BBX: variants seen among roughly 807,000 people sequenced by gnomAD.
BBX encodes the protein HMG box transcription factor BBX.
A neutral mutation model predicts 100.2 loss-of-function variants in BBX; 30 were observed. That is an observed-to-expected ratio of 0.30 (90% confidence interval 0.22 to 0.41). The LOEUF (loss-of-function observed/expected upper bound fraction) is 0.41, where lower values mean the gene tolerates loss of function less well. Ranked by LOEUF, BBX falls within the 10% of genes least tolerant of loss-of-function variation. BBX has a pLI of 1.00. For synonymous variants in BBX, 376 were observed against 388.1 expected (o/e 0.97, Z 0.37); for missense variants, 1,023 against 1,129.8 (o/e 0.91, Z 1.35).
intron 13 of BBX, among the ~76,000 whole-genome samples, chr3:107,783,053 A>T (rs1240320761): frequency 6.6e-6 from 1 of 152,126 alleles, no homozygotes; most frequent in Non-Finnish European, 1.5e-5. Flanking sequence ...TGACTAAGGA[A>T]AAGATGTAAT....
chr3:107,773,363 A>C lies in BBX; in HGVS notation c.1642A>C (p.Lys548Gln), dbSNP rs768873581. 4 of 1,614,004 alleles carry C rather than the reference A, an allele frequency of 2.5e-6. No individual in the cohort carries two copies. The highest frequency in any genetic ancestry group is 1.6e-4 in the Middle Eastern group (1 of 6,084). ...MSKEKSSDTT[K>Q]ESRPPDFISI... The stretch of plus-strand genomic sequence containing the variant: ...AAAGGAGAAATCCTCAGACACCACC[A>C]AAGAGTCAAGACCTCCAGATTTCAT... The change falls in exon 11 of 18, where the codon AAA becomes CAA. Residue 548 changes from lysine to glutamine, a missense_variant. Lys to Gln is a moderately conservative substitution (Grantham distance 53). Coordinates refer to ENST00000325805, the MANE Select transcript of BBX (RefSeq NM_001142568.3). This position sits in a 1 kb window ranked among gnomAD's most constrained non-coding sequence, Gnocchi z 4.1.
intron 2 of BBX, among the ~76,000 whole-genome samples, chr3:107,645,324 C>G (rs1244627374): frequency 6.6e-6 from 1 of 152,056 alleles, no homozygotes; most frequent in African/African-American, 2.4e-5. Flanking sequence ...CTATTTGTCC[C>G]CCTCACCCCA....
chr3:107,776,864 A>G (rs1462053193), intron 12 of BBX, among the ~76,000 whole-genome samples: 3 of 152,174 alleles, frequency 2.0e-5, no homozygotes, highest in Non-Finnish European at 2.9e-5. Context: ...ATCCAATTGT[A>G]TCTGATTTTC....
At chr3:107,599,995 A>G (rs1421836808) in intron 2 of BBX, among the ~76,000 whole-genome samples, 2 of 152,238 alleles carry the variant, frequency 1.3e-5, no homozygotes, top group African/African-American at 4.8e-5. Flanking sequence ...TGGCAAAAGT[A>G]AAAGGAAATG....
At chr3:107,647,598 A>G (rs1254451537) in intron 3 of BBX, among the ~76,000 whole-genome samples, 1 of 152,214 alleles carries the variant, frequency 6.6e-6, no homozygotes, top group Non-Finnish European at 1.5e-5. Flanking sequence ...AGAAATAGAA[A>G]AGATGCCATA....
At position 107,810,122 on chromosome 3, in the gene BBX, A is replaced by G. The variant is rs775183114; in HGVS notation, c.*4665A>G. The G allele has an allele frequency of 1.3e-5, 2 of 152,060 alleles. No homozygotes were observed. The highest frequency in any genetic ancestry group is 2.9e-5 in the Non-Finnish European group (2 of 68,020). The allele number at this position is 152,060 out of a possible 1,614,324, so 9.4% of individuals were successfully genotyped here. A position where few individuals can be genotyped will look rare whatever the true frequency, so the allele number is the denominator to read the frequency against. The stretch of plus-strand genomic sequence containing the variant: ...CAGAACAAAGAAGCAACAAGCGTGA[A>G]TAAAAAGACAAATGTATTTGACTCC... On this transcript the variant is annotated 3_prime_UTR_variant, in exon 18 of 18. Coordinates refer to ENST00000325805, the MANE Select transcript of BBX (RefSeq NM_001142568.3).
At chr3:107,649,076 T>C (rs1006862521) in intron 3 of BBX, among the ~76,000 whole-genome samples, 1 of 152,190 alleles carries the variant, frequency 6.6e-6, no homozygotes, top group South Asian at 2.1e-4. Context: ...GAAAGGCACG[T>C]CTTACGTGGC....
At chr3:107,695,618 A>G (rs1411435066) in intron 3 of BBX, among the ~76,000 whole-genome samples, 1 of 151,410 alleles carries the variant, frequency 6.6e-6, no homozygotes, top group East Asian at 1.9e-4. Flanking sequence ...ACTTCCAACT[A>G]TGTGATCAAT....
At chr3:107,781,821 T>C (rs1183578066) in intron 13 of BBX, among the ~76,000 whole-genome samples, 1 of 152,148 alleles carries the variant, frequency 6.6e-6, no homozygotes. Flanking sequence ...TTATATTTTT[T>C]CAATCCACAC....
intron 3 of BBX, among the ~76,000 whole-genome samples, chr3:107,696,671 G>A (rs1369728373): frequency 6.6e-6 from 1 of 151,670 alleles, no homozygotes; most frequent in Non-Finnish European, 1.5e-5. Flanking sequence ...TGACAGTTGT[G>A]TATCTTGGTG....
chr3:107,616,005 CTT>C (rs59614452), intron 2 of BBX, among the ~76,000 whole-genome samples: 6 of 19,242 alleles, frequency 3.1e-4, no homozygotes, highest in Non-Finnish European at 2.9e-4. Context: ...TACTCACCTG[CTT>C]TTTTTTTTTT....
rs996953741 is a variant in BBX at position 107,645,243 on chromosome 3, T to A, written c.-83-593T>A. Among the ~76,000 whole-genome samples, 4 of 152,212 alleles carry A rather than the reference T, an allele frequency of 2.6e-5. No individual in the cohort carries two copies. The East Asian group carries it at 7.7e-4, about 29-fold the overall frequency. On this transcript the variant is annotated intron_variant, in intron 2 of 17. Coordinates refer to ENST00000325805, the MANE Select transcript of BBX (RefSeq NM_001142568.3). Reference sequence around the variant, plus strand: ...AATAAAATATTCCATTTAATTTACATGTACACCATTTCACTGATTTTGATC... The same window carrying A: ...AATAAAATATTCCATTTAATTTACAAGTACACCATTTCACTGATTTTGATC...
intron 2 of BBX, among the ~76,000 whole-genome samples, chr3:107,576,444 G>A (rs1369843396): frequency 1.3e-5 from 2 of 151,836 alleles, no homozygotes; most frequent in Admixed American, 6.6e-5. Context: ...AATTATCATC[G>A]GTTTATTGAC....
intron 2 of BBX, among the ~76,000 whole-genome samples, chr3:107,595,218 G>A (rs1283908732): frequency 6.6e-6 from 1 of 152,190 alleles, no homozygotes; most frequent in Non-Finnish European, 1.5e-5. Context: ...ACGAGGTTCA[G>A]ATTCAAATCA....
intron 9 of BBX, among the ~76,000 whole-genome samples, chr3:107,748,995 C>T (rs1460063440): frequency 6.6e-6 from 1 of 150,944 alleles, no homozygotes; most frequent in Non-Finnish European, 1.5e-5. Flanking sequence ...TTGGCTCTTA[C>T]ATTAAAAAAA....
At chr3:107,711,251 T>A (rs2061701537) in intron 4 of BBX, 1 of 463,030 alleles carries the variant, frequency 2.2e-6, no homozygotes, top group African/African-American at 2.0e-5. Flanking sequence ...AGCTGTATAC[T>A]TATTTATGTC....
In BBX at chr3:107,745,289, T is replaced by C. The variant is rs181364887; in HGVS notation, c.750+579T>C. ...TTTAAGACTGCTCAGAATATCTTAA[T>C]TTACTCTGGAACTCAATATGAGCCC... On this transcript the variant is annotated intron_variant, in intron 8 of 17. Transcript: ENST00000325805. Among the ~76,000 whole-genome samples, 28 of 152,250 alleles carry C rather than the reference T, an allele frequency of 1.8e-4. No homozygotes were observed. In the South Asian group the frequency reaches 1.9e-3, roughly 10 times the overall value.
chr3:107,751,066 T>C (rs931793602), intron 9 of BBX, among the ~76,000 whole-genome samples: 1 of 149,332 alleles, frequency 6.7e-6, no homozygotes, highest in East Asian at 2.1e-4. Context: ...TTGAGACCAC[T>C]GCTCTATAGT....
At chr3:107,780,605 G>A (rs1313928317) in intron 13 of BBX, among the ~76,000 whole-genome samples, 1 of 152,000 alleles carries the variant, frequency 6.6e-6, no homozygotes, top group African/African-American at 2.4e-5. Flanking sequence ...ACATATGTGG[G>A]AAGTCTTCCA....
Sources: gnomAD v4.1 joint callset for allele counts (sites outside exome capture counted in the v4.1 genomes callset) on GRCh38, gnomAD v4.1.1 for gene constraint, Gnocchi (gnomAD v3.1) non-coding constraint, MANE v1.5 for transcripts, NCBI Gene and HGNC (gene_info 2026-07-23, HGNC 2026-07-21) for gene names.